Variants in CNBD1 observed in about 807,000 individuals in gnomAD.
The protein encoded by CNBD1 is cyclic nucleotide-binding domain-containing protein 1.
Under a neutral mutation model 54.4 loss-of-function variants are expected in CNBD1, and 71 were observed. The ratio of observed to expected loss-of-function variants is 1.30; its 90% CI spans 1.08 to 1.59. The LOEUF (loss-of-function observed/expected upper bound fraction) is 1.59. Ranked by LOEUF, CNBD1 falls within the 40% of genes most tolerant of loss-of-function variation. CNBD1 has a pLI of 0.00. For synonymous variants in CNBD1, 182 were observed against 170.7 expected (o/e 1.07, Z -0.51); for missense variants, 659 against 518.0 (o/e 1.27, Z -2.64).
intron 5 of CNBD1, among the ~76,000 whole-genome samples, chr8:87,232,814 T>C (rs866120620): frequency 1.3e-5 from 2 of 152,110 alleles, no homozygotes; most frequent in South Asian, 2.1e-4. Context: ...TAATCTGAAC[T>C]ATGATGAAGA....
rs112283278 is a variant in CNBD1 at position 87,178,061 on chromosome 8, A to G, written c.432-27932A>G. 3.2e-3 allele frequency among the ~76,000 whole-genome samples: 480 copies of G among 152,350 alleles called. 3 individuals carry two copies. The highest frequency in any genetic ancestry group is 0.011 in the African/African-American group (447 of 41,588). ...GAGGAACTTACTAGCAAGTGGAACTATCTTAAGAAAAAAGGTGAAATAATA... is the reference window on the plus strand; with the variant it reads ...GAGGAACTTACTAGCAAGTGGAACTGTCTTAAGAAAAAAGGTGAAATAATA... On this transcript the variant is annotated intron_variant, in intron 4 of 10. Coordinates refer to ENST00000518476, the MANE Select transcript of CNBD1 (RefSeq NM_173538.3).
intron 4 of CNBD1, among the ~76,000 whole-genome samples, chr8:87,140,983 A>G (rs1321026557): frequency 1.3e-5 from 2 of 152,272 alleles, no homozygotes; most frequent in African/African-American, 4.8e-5. Context: ...AGTTGTAAAA[A>G]AAGACCATAA....
intron 4 of CNBD1, among the ~76,000 whole-genome samples, chr8:86,989,466 T>G (rs77894787): frequency 6.6e-6 from 1 of 152,294 alleles, no homozygotes; most frequent in Middle Eastern, 3.4e-3. Flanking sequence ...TTTTAATTTT[T>G]TTCAGATGGA....
intron 6 of CNBD1, among the ~76,000 whole-genome samples, chr8:87,263,781 A>G (rs1421827563): frequency 6.6e-6 from 1 of 152,116 alleles, no homozygotes; most frequent in Non-Finnish European, 1.5e-5. Flanking sequence ...CAAGCCTGGA[A>G]ATGGAATTTC....
chr8:87,131,084 A>T (rs1247577572), intron 4 of CNBD1, among the ~76,000 whole-genome samples: 1 of 151,920 alleles, frequency 6.6e-6, no homozygotes, highest in African/African-American at 2.4e-5. Flanking sequence ...TTAAAATTTA[A>T]ACTGTACCTC....
intron 4 of CNBD1, among the ~76,000 whole-genome samples, chr8:87,003,245 G>T (rs1159406146): frequency 1.3e-5 from 2 of 151,992 alleles, no homozygotes; most frequent in East Asian, 3.8e-4. Context: ...TATGGTTCTT[G>T]GTATTTTAAA....
intron 8 of CNBD1, among the ~76,000 whole-genome samples, chr8:87,290,628 T>C (rs1320716872): frequency 6.6e-6 from 1 of 152,162 alleles, no homozygotes; most frequent in Non-Finnish European, 1.5e-5. Context: ...AAGAACTTTT[T>C]TTAGTATTTC....
chr8:86,958,913 C>T (rs1201325718), intron 4 of CNBD1, among the ~76,000 whole-genome samples: 1 of 152,146 alleles, frequency 6.6e-6, no homozygotes, highest in Non-Finnish European at 1.5e-5. Context: ...GGTTATTTTA[C>T]TCATTAGTTG....
intron 4 of CNBD1, among the ~76,000 whole-genome samples, chr8:87,101,957 T>G (rs1027781043): frequency 1.3e-5 from 2 of 151,130 alleles, no homozygotes; most frequent in Non-Finnish European, 3.0e-5. Flanking sequence ...GGTGCGATCT[T>G]GGCTCACTGC....
intron 8 of CNBD1, among the ~76,000 whole-genome samples, chr8:87,337,449 A>T (rs1462376981): frequency 6.6e-6 from 1 of 152,000 alleles, no homozygotes; most frequent in East Asian, 1.9e-4. Context: ...GTTGGCTGCC[A>T]CCCCTCCCCC....
At chr8:86,880,821 T>G (rs1416873468) in intron 1 of CNBD1, among the ~76,000 whole-genome samples, 2 of 152,120 alleles carry the variant, frequency 1.3e-5, no homozygotes, top group Non-Finnish European at 2.9e-5. Flanking sequence ...CAAAAGCTTA[T>G]CCACCATGAT....
At chr8:87,079,984 G>A (rs893464235) in intron 4 of CNBD1, among the ~76,000 whole-genome samples, 3 of 151,796 alleles carry the variant, frequency 2.0e-5, no homozygotes, top group African/African-American at 7.3e-5. Flanking sequence ...GTTAATTTTT[G>A]GATACAATGT....
At chr8:87,195,551 G>A (rs1351825258) in intron 4 of CNBD1, among the ~76,000 whole-genome samples, 1 of 148,474 alleles carries the variant, frequency 6.7e-6, no homozygotes, top group Non-Finnish European at 1.5e-5. Context: ...TTGATCCTCA[G>A]TTTAAATATT....
At chr8:87,009,863 AT>A (rs1563856860) in intron 4 of CNBD1, among the ~76,000 whole-genome samples, 1 of 152,092 alleles carries the variant, frequency 6.6e-6, no homozygotes, top group Non-Finnish European at 1.5e-5. Flanking sequence ...AGATGCAATA[AT>A]TTTGTTAAGT....
At chr8:87,326,998 C>T (rs2130905709) in intron 8 of CNBD1, among the ~76,000 whole-genome samples, 1 of 148,348 alleles carries the variant, frequency 6.7e-6, no homozygotes, top group African/African-American at 2.5e-5. Flanking sequence ...GATGTCCTTT[C>T]TGTTTGTTAG....
chr8:87,287,749 G>C (rs989315678), intron 8 of CNBD1, among the ~76,000 whole-genome samples: 2 of 152,024 alleles, frequency 1.3e-5, no homozygotes, highest in Non-Finnish European at 2.9e-5. Flanking sequence ...GCAAGTTTAT[G>C]CTTTAAAAAG....
chr8:87,255,300 A>G (rs1807989138), intron 6 of CNBD1, among the ~76,000 whole-genome samples: 1 of 152,168 alleles, frequency 6.6e-6, no homozygotes, highest in African/African-American at 2.4e-5. Context: ...AACAAGATGT[A>G]GAGGGTCCAG....
At position 87,010,370 on chromosome 8, in the gene CNBD1, T is replaced by C. The variant is rs143645512; in HGVS notation, c.431+70616T>C. 2.4e-3 allele frequency among the ~76,000 whole-genome samples: 363 copies of C among 152,310 alleles called. 7 individuals are homozygous for C. In the South Asian group the frequency reaches 0.025, roughly 10 times the overall value. On this transcript the variant is annotated intron_variant, in intron 4 of 10. Coordinates refer to ENST00000518476, the MANE Select transcript of CNBD1 (RefSeq NM_173538.3). ...ATTTTCTAATGCTTTGTTTTATATC[T>C]AATATGTGGTTAAATCCATCTACTA...
chr8:87,399,528 A>G (rs1426874867), intron 2 of CNBD1, among the ~76,000 whole-genome samples: 1 of 152,008 alleles, frequency 6.6e-6, no homozygotes, highest in African/African-American at 2.4e-5. Flanking sequence ...GCCAGCACTT[A>G]CAGTCTGAGT....
Sources: gnomAD v4.1 joint callset for allele counts (sites outside exome capture counted in the v4.1 genomes callset) on GRCh38, gnomAD v4.1.1 for gene constraint, MANE v1.5 for transcripts, NCBI Gene and HGNC (gene_info 2026-07-23, HGNC 2026-07-21) for gene names.